Variants in PDE10A observed in about 807,000 individuals in gnomAD.
The protein encoded by PDE10A is phosphodiesterase 10A.
PDE10A carries 39 observed loss-of-function variants against 97.7 expected under a neutral mutation model. That is an observed-to-expected ratio of 0.40 (90% CI 0.31 to 0.52). The LOEUF (loss-of-function observed/expected upper bound fraction) is 0.52. Ranked by LOEUF, PDE10A falls within the 20% of genes least tolerant of loss-of-function variation. The probability of loss-of-function intolerance (pLI) is 0.56; values close to 1 mark genes in which losing one functional copy is unlikely to be tolerated. For synonymous variants in PDE10A, 371 were observed against 376.8 expected, an observed-to-expected ratio of 0.98 and a Z score of 0.18; for missense variants, 731 against 1,047.8, an observed-to-expected ratio of 0.70 and a Z score of 4.17.
In PDE10A at chr6:165,396,313, T is replaced by C. The variant is rs747876409; in HGVS notation, c.2219+4A>G. On this transcript the variant is annotated splice_donor_region_variant and intron_variant, in intron 14 of 21. Transcript: ENST00000539869. ...TGAAGAAACTGACAGAGCAACATACTTACAATTCAATTTCTTTGCAGAGAC... is the reference window on the plus strand; with the variant it reads ...TGAAGAAACTGACAGAGCAACATACCTACAATTCAATTTCTTTGCAGAGAC... 1 of 1,611,306 alleles carries C rather than the reference T, an allele frequency of 6.2e-7. No individual in the cohort carries two copies. Among genetic ancestry groups the C allele is most frequent in the Admixed American group, 1.7e-5 (1 of 59,638 alleles).
chr6:165,345,647 C>T (rs1289916482), intron 18 of PDE10A, among the ~76,000 whole-genome samples: 1 of 152,190 alleles, frequency 6.6e-6, no homozygotes, highest in African/African-American at 2.4e-5. Flanking sequence ...TAAAAACAAT[C>T]AAGGAGGAGC....
chr6:165,424,552 A>G (rs927304876), intron 10 of PDE10A, among the ~76,000 whole-genome samples: 4 of 152,098 alleles, frequency 2.6e-5, no homozygotes, highest in Non-Finnish European at 5.9e-5. Context: ...AACAAATAAT[A>G]TGTACATTAT....
rs138994911 is a variant in PDE10A at position 165,849,497 on chromosome 6, A to G, written c.-615+138032T>C. The stretch of plus-strand genomic sequence containing the variant: ...GGAGTAATTATCCCTCCACTAGGAA[A>G]TATGTTCTCTTCTGTTCCTGACATA... On this transcript the variant is annotated intron_variant, in intron 1 of 19. Coordinates refer to the PDE10A transcript ENST00000366882. Among the ~76,000 whole-genome samples, 19 of 152,370 alleles carry G rather than the reference A, an allele frequency of 1.2e-4. 1 individual carries two copies. The East Asian group carries it at 3.5e-3, about 28-fold the overall frequency.
chr6:165,839,899 C>CATCTACAACCA (rs1161952696), intron 1 of PDE10A, among the ~76,000 whole-genome samples: 2 of 61,936 alleles, frequency 3.2e-5, no homozygotes, highest in Admixed American at 1.7e-4. Context: ...ATCCCCATTC[C>CATCTACAACCA]CATCTCCAAC....
At chr6:165,392,869 A>G in intron 15 of PDE10A, 73 bp from the exon 16 acceptor site, 2 of 1,334,292 alleles carry the variant, frequency 1.5e-6, no homozygotes, top group Non-Finnish European at 2.1e-6. Flanking sequence ...TCCCTAGTTT[A>G]GGTACATATA....
At chr6:165,823,759 C>T (rs1327154996) in intron 1 of PDE10A, among the ~76,000 whole-genome samples, 1 of 151,754 alleles carries the variant, frequency 6.6e-6, no homozygotes, top group Non-Finnish European at 1.5e-5. Flanking sequence ...ATGAGTAATA[C>T]ATCGCACTGT....
intron 1 of PDE10A, among the ~76,000 whole-genome samples, chr6:165,858,429 G>A (rs1334782742): frequency 6.6e-6 from 1 of 152,144 alleles, no homozygotes; most frequent in Non-Finnish European, 1.5e-5. Context: ...TTTTGATTAT[G>A]AGAACCATGA....
chr6:165,862,463 C>T (rs768206417), intron 1 of PDE10A, among the ~76,000 whole-genome samples: 2 of 152,114 alleles, frequency 1.3e-5, no homozygotes, highest in African/African-American at 2.4e-5. Flanking sequence ...CTGTGGATGC[C>T]GTTATGTACC....
chr6:165,955,130 G>A (rs59468182), intron 1 of PDE10A, among the ~76,000 whole-genome samples: 4,121 of 152,064 alleles, frequency 0.027, 193 homozygotes, highest in African/African-American at 0.094. Context: ...ATCCACACGC[G>A]TAGAAAGGAG....
chr6:165,374,837 C>G (rs747247715), intron 18 of PDE10A, among the ~76,000 whole-genome samples: 1 of 150,670 alleles, frequency 6.6e-6, no homozygotes, highest in Non-Finnish European at 1.5e-5. Context: ...ACAGCAAGTG[C>G]TTACTTTGAT....
Position 165,540,783 on chromosome 6 carries a change from C to T in PDE10A, c.994+2657G>A, listed in dbSNP as rs560301022. On this transcript the variant is annotated intron_variant, in intron 2 of 21. Transcript: ENST00000539869. ...TAGCTGGGATTACAGGCATGCGCCA[C>T]TATGCCTAGCTAATTTTTGTATTTT... is the stretch of plus-strand genomic sequence containing the variant. 1.2e-4 allele frequency among the ~76,000 whole-genome samples: 18 copies of T among 152,310 alleles called. No homozygotes were observed. The South Asian group carries it at 3.7e-3, about 32-fold the overall frequency.
At chr6:165,648,173 C>T (rs1053062389) in intron 1 of PDE10A, among the ~76,000 whole-genome samples, 2 of 152,072 alleles carry the variant, frequency 1.3e-5, no homozygotes, top group African/African-American at 4.8e-5. Flanking sequence ...CCACCACGCC[C>T]AGCTAATTTT....
intron 1 of PDE10A, among the ~76,000 whole-genome samples, chr6:165,940,980 A>G (rs1397691436): frequency 6.6e-6 from 1 of 152,138 alleles, no homozygotes; most frequent in East Asian, 1.9e-4. Context: ...CATCAACTTC[A>G]GGACTGCTGC....
chr6:165,962,416 C>T (rs545176553), intron 1 of PDE10A, among the ~76,000 whole-genome samples: 6 of 152,310 alleles, frequency 3.9e-5, no homozygotes, highest in East Asian at 1.9e-4. Flanking sequence ...GGAACTTAGA[C>T]GTCCACCATG....
intron 1 of PDE10A, among the ~76,000 whole-genome samples, chr6:165,876,969 G>A (rs910047911): frequency 6.6e-6 from 1 of 152,296 alleles, no homozygotes; most frequent in Non-Finnish European, 1.5e-5. Context: ...TCAGCCTGCT[G>A]TATATAAGCA....
At chr6:165,406,767 G>A (rs1010411733) in intron 13 of PDE10A, among the ~76,000 whole-genome samples, 8 of 152,142 alleles carry the variant, frequency 5.3e-5, no homozygotes, top group African/African-American at 1.7e-4. Flanking sequence ...CAATGCAGTA[G>A]GGCACCATGC....
chr6:165,389,457 G>A (rs1245922376), intron 16 of PDE10A, among the ~76,000 whole-genome samples: 1 of 152,188 alleles, frequency 6.6e-6, no homozygotes, highest in Admixed American at 6.5e-5. Context: ...GACTGTCAGA[G>A]TGTGAAAAGA....
chr6:165,641,732 G>A lies in PDE10A; in HGVS notation c.865+20215C>T, dbSNP rs1789144375. Among the ~76,000 whole-genome samples, 3 of 152,342 alleles carry A rather than the reference G, an allele frequency of 2.0e-5. No homozygotes were observed. In the South Asian group the frequency reaches 6.2e-4, roughly 32 times the overall value. ...ACCCACCGTGTGGTGATTCAAGTCTGTTCCTAGATGCCCTAGATGTTCCTG... is the reference window on the plus strand; with the variant it reads ...ACCCACCGTGTGGTGATTCAAGTCTATTCCTAGATGCCCTAGATGTTCCTG... On this transcript the variant is annotated intron_variant, in intron 1 of 21. Coordinates refer to ENST00000539869, the MANE Select transcript of PDE10A (RefSeq NM_001385079.1).
intron 1 of PDE10A, among the ~76,000 whole-genome samples, chr6:165,726,111 G>A (rs1023912209): frequency 2.0e-5 from 3 of 152,150 alleles, no homozygotes; most frequent in South Asian, 2.1e-4. Flanking sequence ...CATAGGCAAC[G>A]CAGGGAAAGG....
Sources: allele counts gnomAD v4.1 joint callset (sites outside exome capture counted in the v4.1 genomes callset), GRCh38; gene constraint gnomAD v4.1.1; transcripts MANE v1.5; gene names NCBI Gene and HGNC (gene_info 2026-07-23, HGNC 2026-07-21).